SLC4A8: variants seen among roughly 807,000 people sequenced by gnomAD.
SLC4A8 encodes solute carrier family 4 member 8.
In SLC4A8, 40 loss-of-function variants were observed where a neutral mutation model predicts 125.0. That is an observed-to-expected ratio of 0.32 (90% CI 0.25 to 0.42). The LOEUF (loss-of-function observed/expected upper bound fraction) is 0.42, where lower values mean the gene tolerates loss of function less well. Among genes scored for constraint, SLC4A8 ranks in the 10% least tolerant of loss-of-function variants. SLC4A8 has a pLI of 1.00. For missense variants in SLC4A8, 863 were observed against 1,355.1 expected, an observed-to-expected ratio of 0.64 and a Z score of 5.70; for synonymous variants, 456 against 476.0, an observed-to-expected ratio of 0.96 and a Z score of 0.55.
At chr12:51,446,595 C>T (rs934611607) in intron 2 of SLC4A8, among the ~76,000 whole-genome samples, 5 of 152,174 alleles carry the variant, frequency 3.3e-5, no homozygotes, top group South Asian at 2.1e-4. Context: ...GTCTCCTTCT[C>T]GGGGAAGTCT....
intron 1 of SLC4A8, 74 bp downstream of exon 1, chr12:51,425,109 C>A: frequency 6.7e-7 from 1 of 1,502,710 alleles, no homozygotes; most frequent in Non-Finnish European, 8.9e-7. Context: ...ACCCTCCTTC[C>A]TTCTGCCCCC....
chr12:51,401,227 G>T (rs900609575), intron 1 of SLC4A8, among the ~76,000 whole-genome samples: 2 of 152,170 alleles, frequency 1.3e-5, no homozygotes, highest in African/African-American at 4.8e-5. Flanking sequence ...GTCTGTAGGC[G>T]GCTGTGCTAA....
Position 51,508,331 on chromosome 12 carries a change from T to C in SLC4A8, c.*893T>C, listed in dbSNP as rs1333885849. 1 of 152,650 alleles carries C rather than the reference T, an allele frequency of 6.6e-6. No homozygotes were observed. Among genetic ancestry groups the C allele is most frequent in the Non-Finnish European group, 1.5e-5 (1 of 68,044 alleles). 9.5% of individuals were successfully genotyped at this position (152,650 alleles called of 1,614,324 possible). ...AAGATTTGTCATAGTGTCTGCTTTC[T>C]AGATATCTGGGAAAGATTTGATAAT... On this transcript the variant is annotated 3_prime_UTR_variant, in exon 25 of 25. Coordinates refer to ENST00000453097, the MANE Select transcript of SLC4A8 (RefSeq NM_001039960.3).
chr12:51,489,673 G>C, intron 18 of SLC4A8, 27 bp from the exon 19 acceptor site: 1 of 1,613,216 alleles, frequency 6.2e-7, no homozygotes. Flanking sequence ...GCCTACTGAT[G>C]GTGACAAAGA....
At chr12:51,498,168 G>C (rs923100620) in intron 22 of SLC4A8, among the ~76,000 whole-genome samples, 3 of 151,926 alleles carry the variant, frequency 2.0e-5, no homozygotes, top group African/African-American at 7.3e-5. Flanking sequence ...ACTTTAAAGA[G>C]AATATTGATA....
intron 22 of SLC4A8, among the ~76,000 whole-genome samples, 182 bp from the exon 23 acceptor site, chr12:51,503,847 C>T (rs1938045191): frequency 1.3e-5 from 2 of 152,078 alleles, no homozygotes; most frequent in Non-Finnish European, 2.9e-5. Flanking sequence ...GAATGCCATT[C>T]CACATGTATA....
chr12:51,502,569 C>T (rs1034420209), intron 22 of SLC4A8, among the ~76,000 whole-genome samples: 5 of 151,226 alleles, frequency 3.3e-5, no homozygotes, highest in East Asian at 3.9e-4. Context: ...CTCGCTCTGT[C>T]GCCCAGGCTG....
intron 1 of SLC4A8, chr12:51,392,776 G>T (rs890446309): frequency 5.3e-5 from 8 of 152,008 alleles, no homozygotes; most frequent in African/African-American, 1.7e-4. Context: ...CTCCTAAGCC[G>T]GTGTTCGGAA....
Position 51,396,169 on chromosome 12 carries a change from G to A in SLC4A8, c.-112+4681G>A, listed in dbSNP as rs184156469. Reference sequence around the variant, plus strand: ...GCATCTGGTACACAATAAGCAGTCAGTTGAAATTTGGATGTTAGCCATTAT... The same window carrying A: ...GCATCTGGTACACAATAAGCAGTCAATTGAAATTTGGATGTTAGCCATTAT... On this transcript the variant is annotated intron_variant, in intron 1 of 24. Coordinates refer to the SLC4A8 transcript ENST00000358657. Among the ~76,000 whole-genome samples, 283 of 152,366 alleles carry A rather than the reference G, an allele frequency of 1.9e-3. 1 individual carries two copies. In the Middle Eastern group the frequency reaches 0.027, roughly 15 times the overall value.
chr12:51,416,879 C>G (rs750420443), intron 1 of SLC4A8, among the ~76,000 whole-genome samples: 22 of 152,176 alleles, frequency 1.4e-4, no homozygotes, highest in Non-Finnish European at 2.6e-4. Flanking sequence ...AATCCCAGCA[C>G]ATTGGGAGGC....
chr12:51,418,744 A>G (rs1315978364), intron 1 of SLC4A8, among the ~76,000 whole-genome samples: 1 of 152,206 alleles, frequency 6.6e-6, no homozygotes, highest in Non-Finnish European at 1.5e-5. Flanking sequence ...CTGACTGGGT[A>G]TCTTTTTTAA....
At chr12:51,400,777 TACATACATACAC>T (rs1198174502) in intron 1 of SLC4A8, among the ~76,000 whole-genome samples, 2,069 of 9,960 alleles carry the variant, frequency 0.21, 335 homozygotes, top group African/African-American at 0.23. Context: ...TATATATATA[TACATACATACAC>T]ACACACACAC....
intron 11 of SLC4A8, chr12:51,467,404 C>T (rs1211930887): frequency 1.3e-5 from 2 of 152,158 alleles, no homozygotes; most frequent in Non-Finnish European, 2.9e-5. Context: ...AAGGTGAATC[C>T]CAACTATACC....
Position 51,489,918 on chromosome 12 carries a change from G to C in SLC4A8, c.2667G>C (p.Met889Ile), listed in dbSNP as rs1464486168. 2.5e-6 allele frequency: 4 copies of C among 1,614,210 alleles called. No individual in the cohort carries two copies. The highest frequency in any genetic ancestry group is 3.4e-6 in the Non-Finnish European group (4 of 1,180,038). The part of the protein sequence containing the change: ...RVTGLMIFVL[M>I]GCSVFMTAIL... ...CAGGCCTTATGATCTTTGTGCTGATGGGCTGCTCAGTCTTCATGACGGCTA... is the reference window on the plus strand; with the variant it reads ...CAGGCCTTATGATCTTTGTGCTGATCGGCTGCTCAGTCTTCATGACGGCTA... The change falls in exon 19 of 25, where the codon ATG (methionine) becomes ATC (isoleucine). Residue 889 changes from methionine (M) to isoleucine (I), a missense_variant. By Grantham distance (10) the Met-to-Ile change is conservative. Around this residue, in one of 6 missense-constraint regions of SLC4A8, gnomAD observed 197 missense variants for 377.7 expected, o/e 0.52. Coordinates refer to ENST00000453097, the MANE Select transcript of SLC4A8 (RefSeq NM_001039960.3).
rs930744430 is a variant in SLC4A8, at chr12:51,432,534, C to T, written c.48+7499C>T. On this transcript the variant is annotated intron_variant, in intron 1 of 24. Transcript: ENST00000453097. ...GGTCAGGAGATAGAGACCATCCTAG[C>T]GAACATGGCGAAACCCAGTCTCTAC... Among the ~76,000 whole-genome samples, 30 of 152,018 alleles carry T rather than the reference C, an allele frequency of 2.0e-4. 1 individual carries two copies. The East Asian group carries it at 3.7e-3, about 19-fold the overall frequency.
intron 23 of SLC4A8, among the ~76,000 whole-genome samples, chr12:51,504,920 G>A (rs1365277625): frequency 6.6e-6 from 1 of 152,142 alleles, no homozygotes; most frequent in Non-Finnish European, 1.5e-5. Flanking sequence ...GTACCTCTAG[G>A]TACCATAAGC....
intron 11 of SLC4A8, among the ~76,000 whole-genome samples, chr12:51,468,561 C>G (rs942357529): frequency 3.3e-5 from 5 of 152,166 alleles, no homozygotes; most frequent in African/African-American, 4.8e-5. Flanking sequence ...AGGTCGAGAC[C>G]ATCCTGGCTA....
chr12:51,450,812 T>G, intron 2 of SLC4A8, 64 bp from the exon 3 acceptor site: 1 of 1,558,780 alleles, frequency 6.4e-7, no homozygotes, highest in Non-Finnish European at 8.8e-7. Flanking sequence ...ATGCTAGGCT[T>G]TTTGTTGTTG....
At chr12:51,479,407 C>T (rs1592252891) in intron 16 of SLC4A8, among the ~76,000 whole-genome samples, 2 of 152,172 alleles carry the variant, frequency 1.3e-5, no homozygotes, top group East Asian at 1.9e-4. Context: ...GACAAAGGGG[C>T]TGTGTGCGGT....
Sources: allele counts gnomAD v4.1 joint callset (sites outside exome capture counted in the v4.1 genomes callset), GRCh38; gene constraint gnomAD v4.1.1; regional missense constraint gnomAD v4.1.1; transcripts MANE v1.5; gene names NCBI Gene and HGNC (gene_info 2026-07-23, HGNC 2026-07-21).